The following BLTP1 variants were observed in gnomAD, a reference collection of about 807,000 sequenced individuals.
The protein encoded by BLTP1 is fragile site-associated protein.
chr4:122,251,224 C>A, the BLTP1 span: 4 of 694,472 alleles, frequency 5.8e-6, no homozygotes, highest in Non-Finnish European at 7.1e-6. Flanking sequence ...GCAGGTAATA[C>A]ATATGAAGGG....
At chr4:122,204,534 A>G in the BLTP1 span, 1 of 984,784 alleles carries the variant, frequency 1.0e-6, no homozygotes, top group Non-Finnish European at 1.2e-6. Context: ...ACATTTAAGA[A>G]CAATTTTCAG....
At chr4:122,237,085 A>G in the BLTP1 span, 4 of 984,530 alleles carry the variant, frequency 4.1e-6, no homozygotes, top group Non-Finnish European at 4.8e-6. Context: ...CATTTGTGGT[A>G]GTAGAAGTAA....
the BLTP1 span, among the ~76,000 whole-genome samples, chr4:122,163,418 G>A: frequency 3.3e-5 from 5 of 152,114 alleles, no homozygotes; most frequent in South Asian, 2.1e-4. Context: ...ACTCTCTGGC[G>A]TTTCTCGCTT....
chr4:122,281,464 A>G, the BLTP1 span: 1 of 1,436,576 alleles, frequency 7.0e-7, no homozygotes, highest in Non-Finnish European at 9.1e-7. Flanking sequence ...TCACTGAGAA[A>G]TCCAGTGATT....
At chr4:122,361,741 TA>T in the BLTP1 span, among the ~76,000 whole-genome samples, 1 of 152,224 alleles carries the variant, frequency 6.6e-6, no homozygotes, top group Non-Finnish European at 1.5e-5. Context: ...GATGTCCTTT[TA>T]TATGTTTAAG....
chr4:122,153,061 A>C, the BLTP1 span: 1 of 983,232 alleles, frequency 1.0e-6, no homozygotes. Flanking sequence ...TGCTTGCTGC[A>C]CTGCACTCTA....
the BLTP1 span, chr4:122,347,614 C>T: frequency 6.2e-7 from 1 of 1,613,842 alleles, no homozygotes; most frequent in Admixed American, 1.7e-5. Flanking sequence ...GACCTGGGAG[C>T]AGCCAAGTCA....
chr4:122,344,918 T>TTTA, the BLTP1 span: 1 of 985,190 alleles, frequency 1.0e-6, no homozygotes, highest in East Asian at 1.1e-4. Flanking sequence ...TTTAAAAATG[T>TTTA]TTACTTGATG....
chr4:122,189,932 A>G, the BLTP1 span: 4 of 1,565,374 alleles, frequency 2.6e-6, no homozygotes, highest in South Asian at 1.2e-5. Context: ...GCCAGCATTA[A>G]CTAGGATACT....
the BLTP1 span, chr4:122,220,498 A>G: frequency 2.6e-6 from 4 of 1,551,086 alleles, no homozygotes; most frequent in African/African-American, 2.8e-5. Flanking sequence ...TATGGTGGAG[A>G]CATAGAGATT....
At chr4:122,297,504 C>G in the BLTP1 span, among the ~76,000 whole-genome samples, 1 of 152,082 alleles carries the variant, frequency 6.6e-6, no homozygotes, top group Non-Finnish European at 1.5e-5. Context: ...TGGGGCAATT[C>G]CTAAAAAATC....
the BLTP1 span, among the ~76,000 whole-genome samples, chr4:122,342,080 A>C: frequency 6.6e-6 from 1 of 152,312 alleles, no homozygotes; most frequent in African/African-American, 2.4e-5. Flanking sequence ...AGTGGATATG[A>C]TTCACACACA....
the BLTP1 span, chr4:122,289,879 G>T: frequency 1.4e-6 from 1 of 727,144 alleles, no homozygotes; most frequent in South Asian, 6.2e-5. Flanking sequence ...TTCTGCGAAT[G>T]ACAAGAACAG....
the BLTP1 span, among the ~76,000 whole-genome samples, chr4:122,242,471 TGGG>T: frequency 6.6e-6 from 1 of 152,074 alleles, no homozygotes; most frequent in Non-Finnish European, 1.5e-5. Flanking sequence ...CTTGGGTAGT[TGGG>T]GGGAAAAAAG....
the BLTP1 span, among the ~76,000 whole-genome samples, chr4:122,312,331 T>C: frequency 6.6e-6 from 1 of 152,332 alleles, no homozygotes; most frequent in African/African-American, 2.4e-5. Context: ...CCACCACACC[T>C]AGCCTTTAAG....
chr4:122,336,344 A>T, the BLTP1 span: 2 of 1,604,464 alleles, frequency 1.2e-6, no homozygotes, highest in Non-Finnish European at 1.7e-6. Context: ...AGTTGAAAGG[A>T]ATTATACAGG....
the BLTP1 span, chr4:122,183,312 G>A: frequency 3.6e-6 from 3 of 831,654 alleles, no homozygotes; most frequent in East Asian, 1.3e-4. Flanking sequence ...TGCCACACTG[G>A]GGGACAGAGC....
the BLTP1 span, chr4:122,246,736 T>G: frequency 6.2e-7 from 1 of 1,613,082 alleles, no homozygotes; most frequent in Admixed American, 1.7e-5. Context: ...CTACGGCTCC[T>G]AGTAGGAGTG....
At chr4:122,200,988 TACCTA>T in the BLTP1 span, 2 of 1,596,456 alleles carry the variant, frequency 1.3e-6, no homozygotes, top group East Asian at 2.3e-5. Context: ...TAATTACTTT[TACCTA>T]ACATTTGTTT....
Sources: allele counts gnomAD v4.1 joint callset (sites outside exome capture counted in the v4.1 genomes callset), GRCh38; gene constraint gnomAD v4.1.1; transcripts MANE v1.5; gene names NCBI Gene and HGNC (gene_info 2026-07-23, HGNC 2026-07-21).